RAB40B: variants seen among roughly 807,000 people sequenced by gnomAD.
RAB40B encodes the protein RAB40B, member RAS oncogene family.
In RAB40B, 21 loss-of-function variants were observed where a neutral mutation model predicts 24.0. The ratio of observed to expected loss-of-function variants is 0.88; its 90% CI spans 0.62 to 1.26. The LOEUF (loss-of-function observed/expected upper bound fraction) is 1.26. Ranked by LOEUF, RAB40B falls within the 50% of genes most tolerant of loss-of-function variation. The pLI, the probability that RAB40B is intolerant of heterozygous loss-of-function variation, is 0.00. For missense variants in RAB40B, 348 were observed against 390.5 expected (o/e 0.89, Z 0.92); for synonymous variants, 167 against 169.8 (o/e 0.98, Z 0.13).
In RAB40B at chr17:82,692,315, A is replaced by G. The variant is rs2046566636; in HGVS notation, c.142+6140T>C. Reference sequence around the variant, plus strand: ...TGCCGACAGGGTCCAAGATCCAAGAACTCTGCCCTGCAACTACAGACCGAG... The same window carrying G: ...TGCCGACAGGGTCCAAGATCCAAGAGCTCTGCCCTGCAACTACAGACCGAG... On this transcript the variant is annotated intron_variant, in intron 1 of 5. Coordinates refer to ENST00000571995, the MANE Select transcript of RAB40B (RefSeq NM_006822.3). This position sits in a 1 kb window ranked among gnomAD's most constrained non-coding sequence, Gnocchi z 4.0. Among the ~76,000 whole-genome samples, 1 of 152,146 alleles carries G rather than the reference A, an allele frequency of 6.6e-6. No individual in the cohort carries two copies. The highest frequency in any genetic ancestry group is 1.5e-5 in the Non-Finnish European group (1 of 68,026).
chr17:82,689,291 A>G (rs537009951), intron 1 of RAB40B, among the ~76,000 whole-genome samples: 1 of 152,236 alleles, frequency 6.6e-6, no homozygotes, highest in African/African-American at 2.4e-5. Flanking sequence ...AGCTGCGTCC[A>G]CTCTGCACCA....
In RAB40B at chr17:82,667,108, C is replaced by G. The variant is rs1253659873; in HGVS notation, c.143-2552G>C. On this transcript the variant is annotated intron_variant, in intron 1 of 5. Coordinates refer to ENST00000571995, the MANE Select transcript of RAB40B (RefSeq NM_006822.3). The surrounding 1 kb of genome is among the most constrained non-coding windows in gnomAD (Gnocchi z 4.3). ...AAGCCCACGATGTAGCCAGTGAGTG[C>G]CCAGAAACAGGCTCCTCTAAAAATG... 6.6e-6 allele frequency among the ~76,000 whole-genome samples: 1 copy of G among 152,216 alleles called. No homozygotes were observed. Among genetic ancestry groups the G allele is most frequent in the East Asian group, 1.9e-4 (1 of 5,204 alleles).
At chr17:82,673,528 C>T (rs1158478133) in intron 1 of RAB40B, among the ~76,000 whole-genome samples, 7 of 152,186 alleles carry the variant, frequency 4.6e-5, no homozygotes, top group African/African-American at 1.2e-4. Flanking sequence ...AGACTTTGCA[C>T]GTCTGAAAAT....
At chr17:82,660,680 A>G (rs1346556197) in intron 3 of RAB40B, among the ~76,000 whole-genome samples, 1 of 85,968 alleles carries the variant, frequency 1.2e-5, no homozygotes, top group Non-Finnish European at 2.7e-5. Context: ...GTACCTGCAC[A>G]CACATGTACA....
intron 1 of RAB40B, among the ~76,000 whole-genome samples, chr17:82,679,246 ACAC>A (rs1304698618): frequency 3.3e-5 from 5 of 151,258 alleles, no homozygotes; most frequent in African/African-American, 1.2e-4. Context: ...AGCCTGAAGG[ACAC>A]CACAAGCCTT....
chr17:82,683,638 C>A (rs2046466306), intron 1 of RAB40B, among the ~76,000 whole-genome samples: 1 of 151,790 alleles, frequency 6.6e-6, no homozygotes, highest in African/African-American at 2.4e-5. Context: ...CTCATCTCTA[C>A]AAAACTTTTC....
intron 1 of RAB40B, among the ~76,000 whole-genome samples, chr17:82,689,286 C>T (rs569957583): frequency 4.0e-4 from 61 of 152,374 alleles, no homozygotes; most frequent in African/African-American, 1.3e-3. Context: ...GCTCCAGCTG[C>T]GTCCACTCTG....
intron 1 of RAB40B, among the ~76,000 whole-genome samples, chr17:82,695,564 G>A (rs536073423): frequency 2.0e-3 from 298 of 150,202 alleles, no homozygotes; most frequent in Non-Finnish European, 3.5e-3. Context: ...AAAAAACATG[G>A]CCAGGTGCTG....
At chr17:82,679,342 C>T (rs934955531) in intron 1 of RAB40B, among the ~76,000 whole-genome samples, 4 of 151,334 alleles carry the variant, frequency 2.6e-5, no homozygotes, top group Admixed American at 6.6e-5. Flanking sequence ...AGTGCAGTGG[C>T]GCAATCTCGG....
rs1410387890 is a variant in RAB40B at position 82,658,604 on chromosome 17, G to T, written c.452C>A (p.Thr151Asn). The T allele has an allele frequency of 1.9e-6, 3 of 1,613,434 alleles. No individual in the cohort carries two copies. Among genetic ancestry groups the T allele is most frequent in the Non-Finnish European group, 2.5e-6 (3 of 1,179,994 alleles). Reference sequence around the variant, plus strand: ...GCACAGAGGGCTGACCTCAAAGAAGGTCACGCCCAGGCGCTCGGCGTAGGC... The same window carrying T: ...GCACAGAGGGCTGACCTCAAAGAAGTTCACGCCCAGGCGCTCGGCGTAGGC... ...AQAYAERLGV[T>N]FFEVSPLCNF... is the part of the protein sequence containing the mutation. Residue 151 changes from threonine to asparagine, a missense_variant, in exon 5 of 6, where the codon ACC becomes AAC. Around this residue, in one of 3 missense-constraint regions of RAB40B, gnomAD observed 126 missense variants for 181.0 expected, o/e 0.70. Transcript: ENST00000571995.
Position 82,657,804 on chromosome 17 carries a change from C to T in RAB40B, c.*59G>A, listed in dbSNP as rs766538636. The T allele has an allele frequency of 1.3e-5, 21 of 1,585,494 alleles. No homozygotes were observed. The highest frequency in any genetic ancestry group is 5.5e-5 in the South Asian group (5 of 90,460). On this transcript the variant is annotated 3_prime_UTR_variant, in exon 6 of 6. Coordinates refer to ENST00000571995, the MANE Select transcript of RAB40B (RefSeq NM_006822.3). ...GATCTGAGATGCATCCACCAGCTGC[C>T]GGGGGTAACGCCGAGCTTCTCCTGG...
At chr17:82,680,255 A>T (rs1467333342) in intron 1 of RAB40B, among the ~76,000 whole-genome samples, 34 of 152,104 alleles carry the variant, frequency 2.2e-4, no homozygotes, top group Non-Finnish European at 2.9e-5. Flanking sequence ...AGGTTCCCAT[A>T]CACCCAGGGG....
rs943844074 is a variant in RAB40B, at chr17:82,680,085, G to C, written c.143-15529C>G. 4.6e-5 allele frequency among the ~76,000 whole-genome samples: 7 copies of C among 152,254 alleles called. 1 individual carries two copies. The highest frequency in any genetic ancestry group is 1.7e-4 in the African/African-American group (7 of 41,458). ...GACCACAACTCCCAGGGCCTGAGAA[G>C]GGGGCAGCTGTCCTCGGGCTGGCCC... On this transcript the variant is annotated intron_variant, in intron 1 of 5. Transcript: ENST00000571995.
At position 82,659,563 on chromosome 17, in the gene RAB40B, G is replaced by A; in HGVS notation, c.342+17C>T. 1 of 1,613,108 alleles carries A rather than the reference G, an allele frequency of 6.2e-7. No individual in the cohort carries two copies. The highest frequency in any genetic ancestry group is 8.5e-7 in the Non-Finnish European group (1 of 1,179,122). ...AAGCCTACAGGGATCTTGGGCAGTG[G>A]CATTTCTACAACATACCTCATCGAT... is the stretch of plus-strand genomic sequence containing the variant. On this transcript the variant is annotated intron_variant, in intron 4 of 5. Coordinates refer to ENST00000571995, the MANE Select transcript of RAB40B (RefSeq NM_006822.3).
intron 1 of RAB40B, among the ~76,000 whole-genome samples, chr17:82,693,300 C>G (rs1288497785): frequency 6.6e-6 from 1 of 151,958 alleles, no homozygotes; most frequent in African/African-American, 2.4e-5. Context: ...AGCCACCAGG[C>G]CCGGCCGACT....
In RAB40B at chr17:82,667,897, G is replaced by A. The variant is rs1171939408; in HGVS notation, c.143-3341C>T. ...GTTTGCCACCGAGCCCAGCAGGCAC[G>A]CTGAGTGCACCGTCTGTCTCTCTCT... On this transcript the variant is annotated intron_variant, in intron 1 of 5. Transcript: ENST00000571995. This position sits in a 1 kb window ranked among gnomAD's most constrained non-coding sequence, Gnocchi z 4.3. Among the ~76,000 whole-genome samples the A allele has an allele frequency of 2.0e-5, 3 of 152,102 alleles. No individual in the cohort carries two copies. In the South Asian group the frequency reaches 6.2e-4, roughly 32 times the overall value.
chr17:82,660,373 A>G (rs772612675), intron 3 of RAB40B, among the ~76,000 whole-genome samples: 4 of 151,934 alleles, frequency 2.6e-5, no homozygotes, highest in Non-Finnish European at 5.9e-5. Context: ...ACGCACAGGC[A>G]CTCATGCACA....
intron 1 of RAB40B, among the ~76,000 whole-genome samples, chr17:82,677,636 C>G (rs2046407741): frequency 1.3e-5 from 2 of 152,236 alleles, no homozygotes; most frequent in African/African-American, 4.8e-5. Context: ...TGTCCACCTT[C>G]CAATCCTCGT....
rs1251008384 is a variant in RAB40B, at chr17:82,657,657, C to T, written c.*206G>A. The T allele has an allele frequency of 2.8e-6, 2 of 708,758 alleles. No homozygotes were observed. Among genetic ancestry groups the T allele is most frequent in the East Asian group, 2.7e-5 (1 of 36,546 alleles). The allele number at this position is 708,758 out of a possible 1,614,324, so 43.9% of individuals were successfully genotyped here. On this transcript the variant is annotated 3_prime_UTR_variant, in exon 6 of 6. Transcript: ENST00000571995. ...TACTAATTTTCCCTTTACAAACACA[C>T]ATCGAAAACAAGAGCTTCATGCACA...
Sources: allele counts gnomAD v4.1 joint callset (sites outside exome capture counted in the v4.1 genomes callset), GRCh38; gene constraint gnomAD v4.1.1; regional missense constraint gnomAD v4.1.1; non-coding constraint Gnocchi (gnomAD v3.1); transcripts MANE v1.5; gene names NCBI Gene and HGNC (gene_info 2026-07-23, HGNC 2026-07-21).